The following B4GALNT1 variants were observed in gnomAD, a reference collection of about 807,000 sequenced individuals.
B4GALNT1 encodes beta-1,4 N-acetylgalactosaminyltransferase 1.
Under a neutral mutation model 55.2 loss-of-function variants are expected in B4GALNT1, and 43 were observed. That is an observed-to-expected ratio of 0.78 (90% CI 0.61 to 1.00). The LOEUF is 1.00. B4GALNT1 is among the 50% of genes least tolerant of loss of function. B4GALNT1 has a pLI of 0.00. For missense variants in B4GALNT1, 664 were observed against 729.7 expected (o/e 0.91, Z 1.04); for synonymous variants, 305 against 311.6 (o/e 0.98, Z 0.22).
Position 57,626,521 on chromosome 12 carries a change from G to A in B4GALNT1, c.*223C>T. The stretch of plus-strand genomic sequence containing the variant: ...GCAGGGGGAGGACTTGGCACTGGCT[G>A]TGGGAGAGGTTATGGCTCCACCAGG... On this transcript the variant is annotated 3_prime_UTR_variant, in exon 11 of 11. Coordinates refer to ENST00000341156, the MANE Select transcript of B4GALNT1 (RefSeq NM_001478.5). The A allele has an allele frequency of 1.7e-6, 1 of 579,652 alleles. No homozygotes were observed. The allele number at this position is 579,652 out of a possible 1,614,324, so 35.9% of individuals were successfully genotyped here.
Position 57,626,890 on chromosome 12 carries a change from T to C in B4GALNT1, c.1456A>G (p.Lys486Glu), listed in dbSNP as rs1416392400. Residue 486 changes from lysine (K) to glutamate (E), a missense_variant, in exon 11 of 11, where the codon AAA becomes GAA. By Grantham distance (56) the Lys-to-Glu change is moderately conservative (BLOSUM62 1). Coordinates refer to ENST00000341156, the MANE Select transcript of B4GALNT1 (RefSeq NM_001478.5). ...CSDVVVDHAS[K>E]LKLPWTSRDA... ...CTTGATGTCCAAGGCAGCTTCAGTT[T>C]GGATGCATGATCCACCACGACGTCG... 6.2e-7 allele frequency: 1 copy of C among 1,614,184 alleles called. No homozygotes were observed. The highest frequency in any genetic ancestry group is 1.7e-5 in the Admixed American group (1 of 60,024).
chr12:57,630,022 C>G (rs1174541447), intron 6 of B4GALNT1, 130 bp downstream of exon 6: 2 of 1,568,354 alleles, frequency 1.3e-6, no homozygotes, highest in East Asian at 2.3e-5. Flanking sequence ...GTTGAAGCAC[C>G]CATTGTGTGG....
Position 57,632,134 on chromosome 12 carries a change from C to T in B4GALNT1, c.-1-1G>A, listed in dbSNP as rs1594989096. 2.0e-6 allele frequency: 3 copies of T among 1,529,798 alleles called. No homozygotes were observed. The South Asian group carries it at 3.7e-5, about 19-fold the overall frequency. 94.8% of individuals were successfully genotyped at this position (1,529,798 alleles called of 1,614,324 possible). A position where few individuals can be genotyped will look rare whatever the true frequency, so the allele number is the denominator to read the frequency against. On this transcript the variant is annotated splice_acceptor_variant, in intron 1 of 10. Coordinates refer to ENST00000341156, the MANE Select transcript of B4GALNT1 (RefSeq NM_001478.5). LOFTEE classifies it low-confidence loss of function (5UTR_SPLICE). The stretch of plus-strand genomic sequence containing the variant: ...CAGGGCCCGGCGGCCCAGCCACATC[C>T]TAGGTGGGGGTAGGGTGGGGAGTGA...
At chr12:57,631,146 G>T in intron 3 of B4GALNT1, 54 bp downstream of exon 3, 1 of 1,611,602 alleles carries the variant, frequency 6.2e-7, no homozygotes, top group Non-Finnish European at 8.5e-7. Flanking sequence ...TCTCCCTCCC[G>T]GCACAATCAC....
rs1422161862 is a variant in B4GALNT1 at position 57,625,861 on chromosome 12, G to C, written c.*883C>G. 3.2e-6 allele frequency: 4 copies of C among 1,249,778 alleles called. No homozygotes were observed. The highest frequency in any genetic ancestry group is 4.2e-6 in the Non-Finnish European group (4 of 957,702). 77.4% of individuals were successfully genotyped at this position (1,249,778 alleles called of 1,614,324 possible). A position where few individuals can be genotyped will look rare whatever the true frequency, so the allele number is the denominator to read the frequency against. On this transcript the variant is annotated 3_prime_UTR_variant, in exon 11 of 11. Transcript: ENST00000341156. ...AGTAGATTGAAGACCAAATCAGGGA[G>C]CCCGGGCTGAGCTATGGGTGAGGAA... is the stretch of plus-strand genomic sequence containing the variant.
At chr12:57,628,336 C>G in intron 8 of B4GALNT1, 74 bp from the exon 9 acceptor site, 1 of 1,593,206 alleles carries the variant, frequency 6.3e-7, no homozygotes, top group Non-Finnish European at 8.6e-7. Context: ...TCTTTCTCTC[C>G]CCCGACCCTT....
intron 8 of B4GALNT1, 116 bp downstream of exon 8, chr12:57,628,597 G>T: frequency 8.0e-7 from 1 of 1,248,946 alleles, no homozygotes; most frequent in Non-Finnish European, 1.1e-6. Flanking sequence ...TGCTTAACAG[G>T]CACCCCATGA....
At position 57,631,067 on chromosome 12, in the gene B4GALNT1, G is replaced by C. The variant is rs1271772808; in HGVS notation, c.403C>G (p.Gln135Glu). ...FLSRSQSPAD[Q>E]LLIAPANSPL... ...GAGTTGGCAGGGGCTATGAGCAGCT[G>C]GTCAGCTGGGGACTGGCTCCTGGCA... The change falls in exon 4 of 11, where the codon CAG (glutamine) becomes GAG (glutamate). Residue 135 changes from glutamine (Q) to glutamate (E), a missense_variant. Physicochemically the swap from Gln to Glu is conservative, Grantham distance 29 (BLOSUM62 2). Coordinates refer to ENST00000341156, the MANE Select transcript of B4GALNT1 (RefSeq NM_001478.5). 6.2e-7 allele frequency: 1 copy of C among 1,612,062 alleles called. No individual in the cohort carries two copies. The highest frequency in any genetic ancestry group is 1.7e-5 in the Admixed American group (1 of 59,910).
At chr12:57,631,774 A>G in intron 2 of B4GALNT1, 141 bp downstream of exon 2, 1 of 892,620 alleles carries the variant, frequency 1.1e-6, no homozygotes, top group Non-Finnish European at 1.6e-6. Context: ...AAGCCTCAGC[A>G]GCCTCCCACT....
At position 57,628,177 on chromosome 12, in the gene B4GALNT1, G is replaced by C. The variant is rs1344371363; in HGVS notation, c.1088C>G (p.Ala363Gly). The change falls in exon 9 of 11, where the codon GCG (alanine) becomes GGG (glycine). Residue 363 changes from alanine (A) to glycine (G), a missense_variant. Ala to Gly is a moderately conservative substitution (Grantham distance 60). Coordinates refer to ENST00000341156, the MANE Select transcript of B4GALNT1 (RefSeq NM_001478.5). Reference protein sequence around the residue: ...LWVDDDFVFTARTRLERLVDV... With the variant: ...LWVDDDFVFTGRTRLERLVDV... ...CACAAGCCTCTCCAGCCGCGTCCGC[G>C]CCGTGAAGACGAAGTCGTCGTCCAC... The C allele has an allele frequency of 2.5e-5, 40 of 1,614,130 alleles. No homozygotes were observed. Among genetic ancestry groups the C allele is most frequent in the Non-Finnish European group, 3.3e-5 (39 of 1,180,052 alleles).
intron 6 of B4GALNT1, 94 bp downstream of exon 6, chr12:57,630,058 A>G: frequency 6.2e-7 from 1 of 1,603,336 alleles, no homozygotes; most frequent in Non-Finnish European, 8.5e-7. Flanking sequence ...CATAGCCCAG[A>G]TGCCTCCCAT....
At position 57,623,922 on chromosome 12, in the gene B4GALNT1, C is replaced by T; in HGVS notation, c.*2822G>A. 6.2e-7 allele frequency: 1 copy of T among 1,613,906 alleles called. No homozygotes were observed. Among genetic ancestry groups the T allele is most frequent in the Non-Finnish European group, 8.5e-7 (1 of 1,179,912 alleles). The stretch of plus-strand genomic sequence containing the variant: ...TTTACTATCTGCCCAAGGTAATGAG[C>T]AGAGGAGGCATGAGCATGGCTGGGA... On this transcript the variant is annotated 3_prime_UTR_variant, in exon 11 of 11. Coordinates refer to ENST00000341156, the MANE Select transcript of B4GALNT1 (RefSeq NM_001478.5).
rs753977299 is a variant in B4GALNT1 at position 57,624,583 on chromosome 12, GA to G, written c.*2160del. 1.2e-5 allele frequency: 8 copies of G among 670,578 alleles called. No homozygotes were observed. In the East Asian group the frequency reaches 2.6e-4, roughly 21 times the overall value. 41.5% of individuals were successfully genotyped at this position (670,578 alleles called of 1,614,324 possible). ...CTGTGGGTGTGGTCTTCTCCATGAT[GA>G]CTGTGGTCTGCCGCACCCGGAGGTG... On this transcript the variant is annotated 3_prime_UTR_variant, in exon 11 of 11. Coordinates refer to ENST00000341156, the MANE Select transcript of B4GALNT1 (RefSeq NM_001478.5).
rs1243753406 is a variant in B4GALNT1 at position 57,626,204 on chromosome 12, C to T, written c.*540G>A. On this transcript the variant is annotated 3_prime_UTR_variant, in exon 11 of 11. Coordinates refer to ENST00000341156, the MANE Select transcript of B4GALNT1 (RefSeq NM_001478.5). ...GACTCTGGTGCCCCTTCTTTTGTGC[C>T]CACAGCATTGCAGAGACACAACTAA... 5.9e-6 allele frequency: 1 copy of T among 170,934 alleles called. No individual in the cohort carries two copies. Among genetic ancestry groups the T allele is most frequent in the Non-Finnish European group, 1.3e-5 (1 of 79,010 alleles). The allele number at this position is 170,934 out of a possible 1,614,324, so 10.6% of individuals were successfully genotyped here.
rs186981708 is a variant in B4GALNT1, at chr12:57,625,532, G to T, written c.*1212C>A. ...GACTGGACACCTGCGGTAGGGAAAA[G>T]GACCCGGTGTGGACTTAGGGTCTCA... On this transcript the variant is annotated 3_prime_UTR_variant, in exon 11 of 11. Coordinates refer to ENST00000341156, the MANE Select transcript of B4GALNT1 (RefSeq NM_001478.5). 1.9e-5 allele frequency: 31 copies of T among 1,613,280 alleles called. No homozygotes were observed. Among genetic ancestry groups the T allele is most frequent in the Admixed American group, 6.7e-5 (4 of 59,978 alleles).
chr12:57,623,855 G>A lies in B4GALNT1; in HGVS notation c.*2889C>T. ...CTCTAGCTGGCAGGCCTCTTCTCCTGCACAGTGGTCCTGTCGGTGCTGCTG... is the reference window on the plus strand; with the variant it reads ...CTCTAGCTGGCAGGCCTCTTCTCCTACACAGTGGTCCTGTCGGTGCTGCTG... On this transcript the variant is annotated 3_prime_UTR_variant, in exon 11 of 11. Transcript: ENST00000341156. 1 of 1,614,026 alleles carries A rather than the reference G, an allele frequency of 6.2e-7. No homozygotes were observed. Among genetic ancestry groups the A allele is most frequent in the Non-Finnish European group, 8.5e-7 (1 of 1,179,990 alleles).
At chr12:57,627,513 G>T in intron 10 of B4GALNT1, 105 bp downstream of exon 10, 2 of 1,418,386 alleles carry the variant, frequency 1.4e-6, no homozygotes, top group Non-Finnish European at 1.9e-6. Flanking sequence ...TGGGGTTCCC[G>T]CTGGCGGCTG....
rs1354354119 is a variant in B4GALNT1 at position 57,628,105 on chromosome 12, T to G, written c.1143+17A>C. On this transcript the variant is annotated intron_variant, in intron 9 of 10. Coordinates refer to ENST00000341156, the MANE Select transcript of B4GALNT1 (RefSeq NM_001478.5). ...AAGGCCCTTCTCCACCCCCACATCC[T>G]GCAGCCCCTGCCCTACCAGGTCCAG... 1 of 1,612,990 alleles carries G rather than the reference T, an allele frequency of 6.2e-7. No individual in the cohort carries two copies. The highest frequency in any genetic ancestry group is 1.3e-5 in the African/African-American group (1 of 75,074).
chr12:57,629,862 T>C (rs1391862504), intron 6 of B4GALNT1: 6 of 1,509,710 alleles, frequency 4.0e-6, no homozygotes, highest in South Asian at 3.7e-5. Context: ...GTTGGGAATA[T>C]AGTCTTCTAA....
Sources: allele counts gnomAD v4.1 joint callset, GRCh38; gene constraint gnomAD v4.1.1; transcripts MANE v1.5; gene names NCBI Gene and HGNC (gene_info 2026-07-23, HGNC 2026-07-21).